Variants in USP3 observed in about 807,000 individuals in gnomAD.
USP3 encodes ubiquitin carboxyl-terminal hydrolase 3.
A neutral mutation model predicts 72.3 loss-of-function variants in USP3; 20 were observed. That is an observed-to-expected ratio of 0.28 (90% CI 0.19 to 0.40). The LOEUF is 0.40. Ranked by LOEUF, USP3 falls within the 10% of genes least tolerant of loss-of-function variation. USP3 has a pLI of 1.00. For synonymous variants in USP3, 222 were observed against 225.3 expected (o/e 0.99, Z 0.13); for missense variants, 479 against 633.9 (o/e 0.76, Z 2.62).
At chr15:63,507,763 C>G (rs1386788715) in intron 1 of USP3, among the ~76,000 whole-genome samples, 1 of 152,072 alleles carries the variant, frequency 6.6e-6, no homozygotes, top group Non-Finnish European at 1.5e-5. Flanking sequence ...TCTTAGGACC[C>G]CTTTACACTC....
intron 3 of USP3, chr15:63,551,449 A>G (rs901986436): frequency 1.3e-5 from 2 of 152,000 alleles, no homozygotes; most frequent in Non-Finnish European, 2.9e-5. Context: ...ATTATGATTT[A>G]CATAGGTCAC....
chr15:63,540,137 C>G (rs1377827551), intron 3 of USP3, among the ~76,000 whole-genome samples: 1 of 152,146 alleles, frequency 6.6e-6, no homozygotes, highest in Non-Finnish European at 1.5e-5. Context: ...GCCTTTTTTG[C>G]AGTGTGCTCT....
chr15:63,585,896 C>CTT (rs1479132790), intron 11 of USP3, among the ~76,000 whole-genome samples: 2 of 148,018 alleles, frequency 1.4e-5, no homozygotes, highest in Middle Eastern at 3.3e-3. Flanking sequence ...CCATAATAAA[C>CTT]TTTAGAGTAA....
At chr15:63,584,255 G>A (rs1218377082) in intron 11 of USP3, among the ~76,000 whole-genome samples, 1 of 151,784 alleles carries the variant, frequency 6.6e-6, no homozygotes, top group African/African-American at 2.4e-5. Context: ...CCGCCACCAT[G>A]CCCGGCTAAT....
Position 63,553,505 on chromosome 15 carries a change from AG to A in USP3, c.285-209del. 2.6e-6 allele frequency: 1 copy of A among 391,692 alleles called. No individual in the cohort carries two copies. Among genetic ancestry groups the A allele is most frequent in the Non-Finnish European group, 4.5e-6 (1 of 219,862 alleles). 24.3% of individuals were successfully genotyped at this position (391,692 alleles called of 1,614,324 possible). The stretch of plus-strand genomic sequence containing the variant: ...GAGCTTTTGAGTAAAAAACGTGAAA[AG>A]AAGCTCATGTTCATTGCCTACGTGG... On this transcript the variant is annotated intron_variant, in intron 3 of 14. Coordinates refer to ENST00000380324, the MANE Select transcript of USP3 (RefSeq NM_006537.4). This position sits in a 1 kb window ranked among gnomAD's most constrained non-coding sequence, Gnocchi z 4.2.
At position 63,570,587 on chromosome 15, in the gene USP3, T is replaced by A. The variant is rs1376077975; in HGVS notation, c.908+8T>A. On this transcript the variant is annotated splice_region_variant and intron_variant, in intron 9 of 14. Transcript: ENST00000380324. This position sits in a 1 kb window ranked among gnomAD's most constrained non-coding sequence, Gnocchi z 4.4. ...AAGTAACAAGTGTTGCATGTAAGAT[T>A]TAGTTGCCTTCTGTTTTTTAGGAGG... is the stretch of plus-strand genomic sequence containing the variant. 25 of 1,601,344 alleles carry A rather than the reference T, an allele frequency of 1.6e-5. No homozygotes were observed. Among genetic ancestry groups the A allele is most frequent in the Non-Finnish European group, 2.1e-5 (25 of 1,173,680 alleles).
chr15:63,574,145 A>T lies in USP3; in HGVS notation c.1008A>T (p.Pro336=), dbSNP rs1187055188. 1.9e-6 allele frequency: 3 copies of T among 1,584,150 alleles called. No individual in the cohort carries two copies. The highest frequency in any genetic ancestry group is 2.6e-6 in the Non-Finnish European group (3 of 1,164,968). ...GGACAGAATCTAGAAAGTTTGATCC[A>T]TTCCTAGGTAAGATATATGTGGCAT... ...ICGTESRKFD[P]FLDLSLDIPS... is the part of the protein sequence containing the mutation. The change falls in exon 10 of 15, where the codon CCA becomes CCT. Residue 336 remains proline (P), a synonymous_variant. Transcript: ENST00000380324. The surrounding 1 kb of genome is among the most constrained non-coding windows in gnomAD (Gnocchi z 4.6).
chr15:63,575,333 A>G (rs181885136), intron 11 of USP3, among the ~76,000 whole-genome samples: 1 of 152,248 alleles, frequency 6.6e-6, no homozygotes, highest in East Asian at 1.9e-4. Flanking sequence ...TGCATTAGAC[A>G]GCACTACCCT....
chr15:63,547,864 C>CAGAGAG (rs2066371011), intron 3 of USP3, among the ~76,000 whole-genome samples: 2 of 10,876 alleles, frequency 1.8e-4, no homozygotes, highest in Non-Finnish European at 4.2e-4. Context: ...GAGAGAGAGG[C>CAGAGAG]ATAGAGAGAG....
At chr15:63,571,946 C>T (rs184582430) in intron 9 of USP3, among the ~76,000 whole-genome samples, 1 of 152,284 alleles carries the variant, frequency 6.6e-6, no homozygotes, top group Non-Finnish European at 1.5e-5. Context: ...GTATCTTGTG[C>T]AATGTCTTTG....
rs1362644320 is a variant in USP3 at position 63,590,789 on chromosome 15, T to C, written c.1526T>C (p.Val509Ala). The change falls in exon 15 of 15, where the codon GTG (valine) becomes GCG (alanine). Residue 509 changes from valine to alanine, a missense_variant. Coordinates refer to ENST00000380324, the MANE Select transcript of USP3 (RefSeq NM_006537.4). Reference protein sequence around the residue: ...VKAKAYILFYVEHQAKAGSDK... With the variant: ...VKAKAYILFYAEHQAKAGSDK... ...GCGAAGGCCTACATCCTTTTCTACG[T>C]GGAACACCAGGCCAAAGCTGGATCG... is the stretch of plus-strand genomic sequence containing the variant. 1 of 1,613,984 alleles carries C rather than the reference T, an allele frequency of 6.2e-7. No individual in the cohort carries two copies. The highest frequency in any genetic ancestry group is 1.1e-5 in the South Asian group (1 of 91,018).
rs533401504 is a variant in USP3 at position 63,553,499 on chromosome 15, G to A, written c.285-216G>A. Reference sequence around the variant, plus strand: ...ATTGAAGAGCTTTTGAGTAAAAAACGTGAAAAGAAGCTCATGTTCATTGCC... The same window carrying A: ...ATTGAAGAGCTTTTGAGTAAAAAACATGAAAAGAAGCTCATGTTCATTGCC... On this transcript the variant is annotated intron_variant, in intron 3 of 14. Coordinates refer to ENST00000380324, the MANE Select transcript of USP3 (RefSeq NM_006537.4). The surrounding 1 kb of genome is among the most constrained non-coding windows in gnomAD (Gnocchi z 4.2). The A allele has an allele frequency of 1.1e-5, 4 of 377,886 alleles. No homozygotes were observed. The highest frequency in any genetic ancestry group is 6.3e-5 in the African/African-American group (3 of 47,804). 23.4% of individuals were successfully genotyped at this position (377,886 alleles called of 1,614,324 possible).
In USP3 at chr15:63,519,438, C is replaced by T. The variant is rs778456104; in HGVS notation, c.92-13209C>T. Among the ~76,000 whole-genome samples, 5 of 151,490 alleles carry T rather than the reference C, an allele frequency of 3.3e-5. No individual in the cohort carries two copies. The East Asian group carries it at 7.8e-4, about 24-fold the overall frequency. ...CAGTTTGAGTTTTCAGAGGTTTCTT[C>T]ATGGTTAGATTCAGGTAATGCATTT... On this transcript the variant is annotated intron_variant, in intron 1 of 14. Transcript: ENST00000380324.
intron 8 of USP3, among the ~76,000 whole-genome samples, chr15:63,568,757 T>TA (rs2152677152): frequency 6.6e-6 from 1 of 152,312 alleles, no homozygotes; most frequent in African/African-American, 2.4e-5. Context: ...TAGTAAGAAT[T>TA]AGAAAAAGTT....
Position 63,570,549 on chromosome 15 carries a change from C to G in USP3, c.878C>G (p.Ser293Cys). 6.2e-7 allele frequency: 1 copy of G among 1,613,938 alleles called. No individual in the cohort carries two copies. The highest frequency in any genetic ancestry group is 8.5e-7 in the Non-Finnish European group (1 of 1,179,906). ...CGCTCAGCAATTCTGCAGGAGAATT[C>G]TACTCTGTCTGCAAGTAACAAGTGT... Reference protein sequence around the residue: ...VSRSAILQENSTLSASNKCCI... With the variant: ...VSRSAILQENCTLSASNKCCI... Residue 293 changes from serine to cysteine, a missense_variant, in exon 9 of 15, where the codon TCT becomes TGT. By Grantham distance (112) the Ser-to-Cys change is moderately radical. Coordinates refer to ENST00000380324, the MANE Select transcript of USP3 (RefSeq NM_006537.4). The surrounding 1 kb of genome is among the most constrained non-coding windows in gnomAD (Gnocchi z 4.4).
In USP3 at chr15:63,504,844, C is replaced by G. The variant is rs1239711221; in HGVS notation, c.91+14C>G. On this transcript the variant is annotated intron_variant, in intron 1 of 14. Transcript: ENST00000380324. The stretch of plus-strand genomic sequence containing the variant: ...GGTGCTGCAGCGGTGAGTGCGGCCA[C>G]GGGCCGGCCCCGCAGCGCACCCGAG... 2.5e-6 allele frequency: 4 copies of G among 1,584,954 alleles called. No homozygotes were observed. Among genetic ancestry groups the G allele is most frequent in the Non-Finnish European group, 3.4e-6 (4 of 1,167,980 alleles).
chr15:63,542,000 C>A, intron 3 of USP3: 9 of 963,772 alleles, frequency 9.3e-6, no homozygotes, highest in Non-Finnish European at 1.1e-5. Context: ...GGACTTGTTT[C>A]TTTACTGTTG....
Position 63,593,350 on chromosome 15 carries a change from C to A in USP3, c.*2524C>A, listed in dbSNP as rs532634500. ...TCTTGCAAAGTATCTCCTATGAATC[C>A]GGGCTCTTTTGCTTAGAAGGTAGAC... On this transcript the variant is annotated 3_prime_UTR_variant, in exon 15 of 15. Transcript: ENST00000380324. 6.6e-6 allele frequency: 1 copy of A among 152,142 alleles called. No individual in the cohort carries two copies. The highest frequency in any genetic ancestry group is 2.4e-5 in the African/African-American group (1 of 41,406). 9.4% of individuals were successfully genotyped at this position (152,142 alleles called of 1,614,324 possible). A position where few individuals can be genotyped will look rare whatever the true frequency, so the allele number is the denominator to read the frequency against.
At chr15:63,546,808 C>T (rs1026190929) in intron 3 of USP3, among the ~76,000 whole-genome samples, 4 of 152,134 alleles carry the variant, frequency 2.6e-5, no homozygotes, top group South Asian at 2.1e-4. Flanking sequence ...CGGGGTTTCA[C>T]CATGTTAGCC....
Sources: gnomAD v4.1 joint callset for allele counts (sites outside exome capture counted in the v4.1 genomes callset) on GRCh38, gnomAD v4.1.1 for gene constraint, Gnocchi (gnomAD v3.1) non-coding constraint, MANE v1.5 for transcripts, NCBI Gene and HGNC (gene_info 2026-07-23, HGNC 2026-07-21) for gene names.